Variants in STXBP6 observed in about 807,000 individuals in gnomAD.
STXBP6 encodes syntaxin binding protein 6.
Under a neutral mutation model 26.9 loss-of-function variants are expected in STXBP6, and 21 were observed. That is an observed-to-expected ratio of 0.78 (90% CI 0.55 to 1.12). The LOEUF (loss-of-function observed/expected upper bound fraction) is 1.12, where lower values mean the gene tolerates loss of function less well. Ranked by LOEUF, STXBP6 falls within the 50% of genes most tolerant of loss-of-function variation. The pLI is 0.00. For synonymous variants in STXBP6, 97 were observed against 92.6 expected, an observed-to-expected ratio of 1.05 and a Z score of -0.27; for missense variants, 232 against 257.9, an observed-to-expected ratio of 0.90 and a Z score of 0.69.
At chr14:25,023,619 G>A (rs1333225839) in intron 1 of STXBP6, among the ~76,000 whole-genome samples, 3 of 151,852 alleles carry the variant, frequency 2.0e-5, no homozygotes, top group Non-Finnish European at 2.9e-5. Flanking sequence ...GACTAGCCTG[G>A]GCAACATAGC....
chr14:25,036,869 A>G (rs2075564403), intron 1 of STXBP6, among the ~76,000 whole-genome samples: 1 of 151,870 alleles, frequency 6.6e-6, no homozygotes, highest in African/African-American at 2.4e-5. Context: ...AAAAAAAAAA[A>G]AAAAAAGAAA....
At chr14:25,048,423 T>G (rs1566585656) in intron 1 of STXBP6, among the ~76,000 whole-genome samples, 1 of 152,178 alleles carries the variant, frequency 6.6e-6, no homozygotes, top group Non-Finnish European at 1.5e-5. Context: ...TGACCTCAAG[T>G]CTGTCTGACT....
intron 1 of STXBP6, among the ~76,000 whole-genome samples, chr14:25,021,635 A>G (rs1314084033): frequency 2.6e-5 from 4 of 152,092 alleles, no homozygotes; most frequent in Non-Finnish European, 2.9e-5. Flanking sequence ...ATGTTGACCA[A>G]TTTCTCCCTG....
At chr14:24,892,503 C>T (rs2070827794) in intron 2 of STXBP6, among the ~76,000 whole-genome samples, 1 of 152,066 alleles carries the variant, frequency 6.6e-6, no homozygotes. Context: ...GGAGTTGCAT[C>T]CTTAGAAAGC....
intron 4 of STXBP6, 91 bp from the exon 5 acceptor site, chr14:24,819,285 G>T: frequency 6.7e-7 from 1 of 1,494,544 alleles, no homozygotes; most frequent in Non-Finnish European, 9.3e-7. Flanking sequence ...TAAGAGGAAG[G>T]CAGGTCACAC....
chr14:24,873,785 T>G (rs1458042624), intron 2 of STXBP6, among the ~76,000 whole-genome samples: 1 of 152,202 alleles, frequency 6.6e-6, no homozygotes, highest in Non-Finnish European at 1.5e-5. Context: ...GGTTCACTCT[T>G]CTCTGAATGA....
chr14:25,001,564 T>C (rs1458493448), intron 1 of STXBP6, among the ~76,000 whole-genome samples: 1 of 152,198 alleles, frequency 6.6e-6, no homozygotes, highest in Non-Finnish European at 1.5e-5. Flanking sequence ...ATTTCTAACA[T>C]CTTCTTTTGA....
chr14:24,930,370 T>C (rs1454750030), intron 2 of STXBP6, among the ~76,000 whole-genome samples: 2 of 152,270 alleles, frequency 1.3e-5, no homozygotes, highest in African/African-American at 2.4e-5. Context: ...CCACACATTT[T>C]TGTGATTGTG....
chr14:24,816,490 G>T (rs1482297326), intron 5 of STXBP6: 2 of 151,992 alleles, frequency 1.3e-5, no homozygotes, highest in Admixed American at 1.3e-4. Flanking sequence ...TGCAAGTCTG[G>T]CCATGACACT....
chr14:25,042,906 G>A (rs571868804), intron 1 of STXBP6, among the ~76,000 whole-genome samples: 12 of 152,316 alleles, frequency 7.9e-5, no homozygotes, highest in Non-Finnish European at 1.3e-4. Context: ...ACCCAAATAC[G>A]TTGATGTTCA....
chr14:24,826,125 C>T (rs895565073), intron 4 of STXBP6, among the ~76,000 whole-genome samples: 6 of 152,148 alleles, frequency 3.9e-5, no homozygotes, highest in African/African-American at 1.4e-4. Context: ...CTCTAACACT[C>T]TAATAACTGT....
At chr14:24,876,262 C>T (rs1052645942) in intron 2 of STXBP6, among the ~76,000 whole-genome samples, 18 of 152,266 alleles carry the variant, frequency 1.2e-4, no homozygotes, top group African/African-American at 4.1e-4. Flanking sequence ...ATTGCCTTGA[C>T]CTGGGATGAA....
chr14:24,900,551 G>A (rs532694160), intron 2 of STXBP6, among the ~76,000 whole-genome samples: 2 of 151,998 alleles, frequency 1.3e-5, no homozygotes, highest in African/African-American at 4.8e-5. Flanking sequence ...TCTCTGTTGG[G>A]AGAGAAATGT....
intron 2 of STXBP6, among the ~76,000 whole-genome samples, chr14:24,952,730 C>T (rs1320563350): frequency 1.3e-5 from 2 of 152,126 alleles, no homozygotes; most frequent in African/African-American, 4.8e-5. Flanking sequence ...AACACCTTAT[C>T]TCACTCAGCA....
rs1048196647 is a variant in STXBP6 at position 24,948,520 on chromosome 14, T to C, written c.154+26145A>G. On this transcript the variant is annotated intron_variant, in intron 2 of 5. Transcript: ENST00000323944. ...GACACTATGCTCACATAGTTGATTT[T>C]CTGAGTTCAGAGAACTCTCTTGAAA... 5.3e-5 allele frequency among the ~76,000 whole-genome samples: 8 copies of C among 152,262 alleles called. No homozygotes were observed. In the East Asian group the frequency reaches 1.5e-3, roughly 29 times the overall value.
chr14:24,857,434 G>A (rs754364257), intron 2 of STXBP6, among the ~76,000 whole-genome samples: 2 of 152,066 alleles, frequency 1.3e-5, no homozygotes, highest in African/African-American at 2.4e-5. Context: ...AACTGAAAAT[G>A]ACTTAAGTGA....
At chr14:24,976,624 A>T (rs1164722947) in intron 1 of STXBP6, among the ~76,000 whole-genome samples, 2 of 152,180 alleles carry the variant, frequency 1.3e-5, no homozygotes, top group African/African-American at 4.8e-5. Context: ...ACAGAATTTC[A>T]TAATTTACCC....
At chr14:25,036,380 T>A (rs2075552934) in intron 1 of STXBP6, among the ~76,000 whole-genome samples, 1 of 152,294 alleles carries the variant, frequency 6.6e-6, no homozygotes, top group South Asian at 2.1e-4. Context: ...AGCACATATG[T>A]CTTTCTTCCG....
At chr14:24,886,127 T>C (rs780940439) in intron 2 of STXBP6, among the ~76,000 whole-genome samples, 21 of 152,212 alleles carry the variant, frequency 1.4e-4, no homozygotes, top group Non-Finnish European at 2.8e-4. Flanking sequence ...ACTTTCTGTA[T>C]ATGACCTGCG....
Sources: gnomAD v4.1 joint callset for allele counts (sites outside exome capture counted in the v4.1 genomes callset) on GRCh38, gnomAD v4.1.1 for gene constraint, MANE v1.5 for transcripts, NCBI Gene and HGNC (gene_info 2026-07-23, HGNC 2026-07-21) for gene names.